ANKFY1: variants seen among roughly 807,000 people sequenced by gnomAD.
ANKFY1 encodes ankyrin repeat and FYVE domain containing 1, also known as ankyrin repeat and FYVE domain-containing protein 1.
A neutral mutation model predicts 128.3 loss-of-function variants in ANKFY1; 47 were observed. The observed-to-expected ratio is 0.37, with a 90% CI of 0.29 to 0.47. The LOEUF is 0.47. ANKFY1 is among the 20% of genes least tolerant of loss of function. ANKFY1 has a pLI of 1.00. For synonymous variants in ANKFY1, 553 were observed against 601.6 expected, an observed-to-expected ratio of 0.92 and a Z score of 1.18; for missense variants, 1,222 against 1,510.6, an observed-to-expected ratio of 0.81 and a Z score of 3.17.
intron 3 of ANKFY1, among the ~76,000 whole-genome samples, chr17:4,221,144 A>G (rs1002677380): frequency 6.6e-6 from 1 of 152,240 alleles, no homozygotes; most frequent in African/African-American, 2.4e-5. Flanking sequence ...AGACATCTGA[A>G]ATGGATGGGA....
chr17:4,211,359 T>TGAGAGCTGAGA (rs2060127224), intron 4 of ANKFY1, among the ~76,000 whole-genome samples: 1 of 149,540 alleles, frequency 6.7e-6, no homozygotes, highest in African/African-American at 2.5e-5. Context: ...ACGGTGCCAC[T>TGAGAGCTGAGA]GCACTCAAGC....
chr17:4,217,935 C>T (rs938080457), intron 3 of ANKFY1, among the ~76,000 whole-genome samples: 1 of 152,160 alleles, frequency 6.6e-6, no homozygotes, highest in Non-Finnish European at 1.5e-5. Flanking sequence ...CCAACTGCCT[C>T]GGCCTCCTAA....
At chr17:4,194,921 C>T in intron 10 of ANKFY1, 57 bp downstream of exon 10, 2 of 1,572,882 alleles carry the variant, frequency 1.3e-6, no homozygotes, top group South Asian at 2.2e-5. Context: ...CATTTACATG[C>T]CATTTCCTGG....
rs200100730 is a variant in ANKFY1, at chr17:4,181,209, C to T, written c.2240+45G>A. ...TAAAAAGGAAAGAGCCAGTTTGCAACAAGCTCACTAAAAAGCTGTGGAGAG... is the reference window on the plus strand; with the variant it reads ...TAAAAAGGAAAGAGCCAGTTTGCAATAAGCTCACTAAAAAGCTGTGGAGAG... On this transcript the variant is annotated intron_variant, in intron 16 of 24. Coordinates refer to ENST00000341657, the MANE Select transcript of ANKFY1 (RefSeq NM_001330063.2). The surrounding 1 kb of genome is among the most constrained non-coding windows in gnomAD (Gnocchi z 4.9). 68 of 1,506,028 alleles carry T rather than the reference C, an allele frequency of 4.5e-5. No homozygotes were observed. The East Asian group carries it at 8.0e-4, about 18-fold the overall frequency. The allele number at this position is 1,506,028 out of a possible 1,614,324, so 93.3% of individuals were successfully genotyped here. A position where few individuals can be genotyped will look rare whatever the true frequency, so the allele number is the denominator to read the frequency against.
At chr17:4,187,126 A>G (rs1433277440) in intron 11 of ANKFY1, 1 of 769,378 alleles carries the variant, frequency 1.3e-6, no homozygotes, top group African/African-American at 1.8e-5. Context: ...TGTACCCAGT[A>G]TCACCCTTTT....
At chr17:4,235,991 ATCTGC>A in intron 2 of ANKFY1, 101 bp from the exon 3 acceptor site, 2 of 803,022 alleles carry the variant, frequency 2.5e-6, no homozygotes, top group Admixed American at 4.5e-5. Context: ...ATCAACATAC[ATCTGC>A]AAAAGAAAAA....
chr17:4,211,193 C>T (rs2060123905), intron 4 of ANKFY1, among the ~76,000 whole-genome samples: 1 of 152,114 alleles, frequency 6.6e-6, no homozygotes, highest in East Asian at 1.9e-4. Flanking sequence ...TGCCTGAGCT[C>T]AGGAGGTCGT....
Position 4,181,286 on chromosome 17 carries a change from G to A in ANKFY1, c.2208C>T (p.Asn736=). The change falls in exon 16 of 25, where the codon AAC becomes AAT. Residue 736 remains asparagine, a synonymous_variant. Transcript: ENST00000341657. The surrounding 1 kb of genome is among the most constrained non-coding windows in gnomAD (Gnocchi z 4.9). ...QTLLHRAIDE[N]NEPTACFLIR... ...TAAGAAAGCAGGCGGTGGGCTCGTT[G>A]TTTTCATCAATGGCTCTGTGCAGGA... The A allele has an allele frequency of 1.2e-6, 2 of 1,614,110 alleles. No individual in the cohort carries two copies. Among genetic ancestry groups the A allele is most frequent in the South Asian group, 2.2e-5 (2 of 91,078 alleles).
intron 19 of ANKFY1, among the ~76,000 whole-genome samples, chr17:4,175,848 G>C (rs1430542109): frequency 6.6e-6 from 1 of 152,164 alleles, no homozygotes; most frequent in African/African-American, 2.4e-5. Flanking sequence ...ACAGGATGCA[G>C]CATCAATTCA....
intron 19 of ANKFY1, among the ~76,000 whole-genome samples, chr17:4,176,834 G>A (rs1477143969): frequency 6.6e-6 from 1 of 152,212 alleles, no homozygotes; most frequent in Non-Finnish European, 1.5e-5. Flanking sequence ...TTGAATGCCT[G>A]ACAGAGAACA....
At position 4,173,418 on chromosome 17, in the gene ANKFY1, G is replaced by C. The variant is rs762152406; in HGVS notation, c.2950C>G (p.Arg984Gly). The part of the protein sequence containing the change: ...NALHLAVMHG[R>G]LNNIRVLLTE... ...AGGAGAACCCGGATGTTGTTGAGCC[G>C]GCCGTGCATGACAGCAAGATGAAGA... is the stretch of plus-strand genomic sequence containing the variant. Residue 984 changes from arginine to glycine, a missense_variant, in exon 21 of 25, where the codon CGG becomes GGG. Coordinates refer to ENST00000341657, the MANE Select transcript of ANKFY1 (RefSeq NM_001330063.2). 6.2e-7 allele frequency: 1 copy of C among 1,614,014 alleles called. No homozygotes were observed.
intron 1 of ANKFY1, chr17:4,263,483 A>ACC: frequency 2.9e-6 from 2 of 695,324 alleles, no homozygotes; most frequent in Non-Finnish European, 4.1e-6. Context: ...ACCCCACCTC[A>ACC]CCCCAACCCA....
intron 1 of ANKFY1, 95 bp from the exon 2 acceptor site, chr17:4,242,543 G>C: frequency 9.1e-7 from 1 of 1,104,928 alleles, no homozygotes; most frequent in Admixed American, 2.8e-5. Flanking sequence ...AGCTCCCAAA[G>C]TGACTGGCCA....
intron 1 of ANKFY1, 30 bp downstream of exon 1, chr17:4,263,902 T>C: frequency 6.2e-7 from 1 of 1,613,774 alleles, no homozygotes; most frequent in Non-Finnish European, 8.5e-7. Flanking sequence ...GCTCCGTGTC[T>C]TCCCGCGCGG....
chr17:4,202,981 C>CACACATATATAT (rs56856304), intron 7 of ANKFY1, among the ~76,000 whole-genome samples: 1 of 146,236 alleles, frequency 6.8e-6, no homozygotes, highest in African/African-American at 2.5e-5. Flanking sequence ...TAATCATACA[C>CACACATATATAT]ATATATATAT....
At chr17:4,183,372 A>C in intron 14 of ANKFY1, 26 bp downstream of exon 14, 1 of 1,608,522 alleles carries the variant, frequency 6.2e-7, no homozygotes, top group Non-Finnish European at 8.5e-7. Flanking sequence ...ACCTGGTGTT[A>C]GGTGGAGAGA....
intron 7 of ANKFY1, among the ~76,000 whole-genome samples, chr17:4,202,262 G>A (rs190181757): frequency 3.9e-5 from 6 of 151,994 alleles, no homozygotes; most frequent in Non-Finnish European, 5.9e-5. Context: ...TTAGCCAAGC[G>A]TAGTGGCATG....
rs1487973143 is a variant in ANKFY1, at chr17:4,169,792, T to C, written c.3287-504A>G. ...CAGTGGGACCATGGGCAGAGCAACC[T>C]ATGAGAAAGAACTAAGTTTTCACAT... On this transcript the variant is annotated intron_variant, in intron 23 of 24. Transcript: ENST00000341657. The surrounding 1 kb of genome is among the most constrained non-coding windows in gnomAD (Gnocchi z 5.0). Among the ~76,000 whole-genome samples the C allele has an allele frequency of 6.6e-6, 1 of 152,160 alleles. No homozygotes were observed. Among genetic ancestry groups the C allele is most frequent in the African/African-American group, 2.4e-5 (1 of 41,434 alleles).
At position 4,184,849 on chromosome 17, in the gene ANKFY1, C is replaced by T. The variant is rs767491863; in HGVS notation, c.1668G>A (p.Pro556=). 226 of 1,613,614 alleles carry T rather than the reference C, an allele frequency of 1.4e-4. No individual in the cohort carries two copies. The highest frequency in any genetic ancestry group is 1.8e-4 in the Non-Finnish European group (208 of 1,180,046). ...PLHMAIAYNH[P]DVVSVILEQK... Reference sequence around the variant, plus strand: ...GCTCCAGGATGACAGACACCACATCCGGATGGTTATAGGCGATCGCCATGT... The same window carrying T: ...GCTCCAGGATGACAGACACCACATCTGGATGGTTATAGGCGATCGCCATGT... The change falls in exon 12 of 25, where the codon CCG becomes CCA. Residue 556 remains proline (P), a synonymous_variant. Transcript: ENST00000341657.
Sources: gnomAD v4.1 joint callset for allele counts (sites outside exome capture counted in the v4.1 genomes callset) on GRCh38, gnomAD v4.1.1 for gene constraint, Gnocchi (gnomAD v3.1) non-coding constraint, MANE v1.5 for transcripts, NCBI Gene and HGNC (gene_info 2026-07-23, HGNC 2026-07-21) for gene names.